Variants in GSG1L observed in about 807,000 individuals in gnomAD.
The protein encoded by GSG1L is germ cell-specific gene 1-like protein.
A neutral mutation model predicts 42.1 loss-of-function variants in GSG1L; 24 were observed. The observed-to-expected ratio is 0.57, with a 90% CI of 0.41 to 0.80. The LOEUF is 0.80. GSG1L is among the 30% of genes least tolerant of loss of function. The pLI, the probability that GSG1L is intolerant of heterozygous loss-of-function variation, is 0.00. For missense variants in GSG1L, 445 were observed against 472.2 expected, an observed-to-expected ratio of 0.94 and a Z score of 0.53; for synonymous variants, 215 against 203.5, an observed-to-expected ratio of 1.06 and a Z score of -0.48.
In GSG1L at chr16:27,804,007, A is replaced by G. The variant is rs532635358; in HGVS notation, c.898+3480T>C. On this transcript the variant is annotated intron_variant, in intron 6 of 6. Coordinates refer to ENST00000447459, the MANE Select transcript of GSG1L (RefSeq NM_001109763.2). ...TAGATGATTGACAGATGAATAATAG[A>G]TGGATGATGGATGAATAGATAGATT... Among the ~76,000 whole-genome samples the G allele has an allele frequency of 2.0e-5, 3 of 149,922 alleles. No individual in the cohort carries two copies. In the South Asian group the frequency reaches 6.3e-4, roughly 32 times the overall value.
intron 1 of GSG1L, among the ~76,000 whole-genome samples, chr16:28,028,330 T>C (rs1463608247): frequency 6.6e-6 from 1 of 152,100 alleles, no homozygotes; most frequent in Non-Finnish European, 1.5e-5. Context: ...ATTATTTTCA[T>C]CCCGATCTTG....
Position 27,907,010 on chromosome 16 carries a change from G to A in GSG1L, c.398-22372C>T, listed in dbSNP as rs565982616. ...ACCCCATTCTCAGCACTTGAGTATGGGGGACAGTCCAGCTGCTCCCAGCTA... is the reference window on the plus strand; with the variant it reads ...ACCCCATTCTCAGCACTTGAGTATGAGGGACAGTCCAGCTGCTCCCAGCTA... On this transcript the variant is annotated intron_variant, in intron 2 of 6. Transcript: ENST00000447459. Among the ~76,000 whole-genome samples the A allele has an allele frequency of 2.4e-4, 36 of 152,312 alleles. 1 individual carries two copies. Among genetic ancestry groups the A allele is most frequent in the African/African-American group, 8.4e-4 (35 of 41,574 alleles).
Position 28,032,651 on chromosome 16 carries a change from TAAAC to T in GSG1L, c.349+30421_349+30424del, listed in dbSNP as rs1010883263. Reference sequence around the variant, plus strand: ...TTAAGATCGCTTCCTTCCCACTAAATAAACAAACAAAAACCTCTTCCCACCTCAG... The same window carrying T: ...TTAAGATCGCTTCCTTCCCACTAAATAAACAAAAACCTCTTCCCACCTCAG... On this transcript the variant is annotated intron_variant, in intron 1 of 6. Transcript: ENST00000447459. Among the ~76,000 whole-genome samples the T allele has an allele frequency of 7.9e-5, 12 of 152,210 alleles. No homozygotes were observed. The South Asian group carries it at 1.9e-3, about 24-fold the overall frequency.
intron 3 of GSG1L, among the ~76,000 whole-genome samples, chr16:27,868,319 A>T (rs2083758212): frequency 6.6e-6 from 1 of 152,146 alleles, no homozygotes; most frequent in Non-Finnish European, 1.5e-5. Context: ...GAATCCTCAG[A>T]CCCTTCTGCA....
At chr16:28,017,862 A>G (rs1041545826) in intron 1 of GSG1L, among the ~76,000 whole-genome samples, 1 of 152,176 alleles carries the variant, frequency 6.6e-6, no homozygotes, top group Admixed American at 6.5e-5. Context: ...AATTAAGGAT[A>G]CTGGTTAACT....
chr16:27,954,280 A>T (rs2084982331), intron 2 of GSG1L, among the ~76,000 whole-genome samples: 1 of 152,234 alleles, frequency 6.6e-6, no homozygotes, highest in South Asian at 2.1e-4. Context: ...AAGAGATAAC[A>T]ATAGAAAAAA....
rs1567505928 is a variant in GSG1L, at chr16:27,888,495, CTT to C, written c.398-3859_398-3858del. On this transcript the variant is annotated intron_variant, in intron 2 of 6. Coordinates refer to ENST00000447459, the MANE Select transcript of GSG1L (RefSeq NM_001109763.2). ...CTCTCTCTCTTTCCTTTCTTTCTTT[CTT>C]TCTTTCTTTCTTTCTTTCTTTCTTT... Among the ~76,000 whole-genome samples, 36 of 5,934 alleles carry C rather than the reference CTT, an allele frequency of 6.1e-3. 1 individual carries two copies. Among genetic ancestry groups the C allele is most frequent in the Admixed American group, 0.012 (4 of 326 alleles). The allele number at this position is 5,934 out of a possible 152,430, so 3.9% of individuals were successfully genotyped here. A position where few individuals can be genotyped will look rare whatever the true frequency, so the allele number is the denominator to read the frequency against.
At chr16:27,967,584 T>TA (rs2085149622) in intron 1 of GSG1L, among the ~76,000 whole-genome samples, 2 of 152,176 alleles carry the variant, frequency 1.3e-5, no homozygotes, top group African/African-American at 4.8e-5. Flanking sequence ...TTTAGCCCAC[T>TA]GAAAGAGATG....
At chr16:27,835,784 C>A (rs1567477497) in intron 4 of GSG1L, among the ~76,000 whole-genome samples, 1 of 152,052 alleles carries the variant, frequency 6.6e-6, no homozygotes, top group Non-Finnish European at 1.5e-5. Flanking sequence ...CCCTTTGTGA[C>A]CCTTTACTTT....
chr16:27,939,818 T>C (rs1403133586), intron 2 of GSG1L, among the ~76,000 whole-genome samples: 1 of 152,166 alleles, frequency 6.6e-6, no homozygotes, highest in East Asian at 1.9e-4. Flanking sequence ...CATGCCACCA[T>C]GCCAGGCTAA....
chr16:27,835,226 T>G (rs868093838), intron 4 of GSG1L, among the ~76,000 whole-genome samples: 14 of 152,308 alleles, frequency 9.2e-5, no homozygotes, highest in Admixed American at 6.5e-5. Context: ...AATGTCTTCT[T>G]AGTGGATTGA....
chr16:27,804,037 GGATAGATA>G (rs557443110), intron 6 of GSG1L, among the ~76,000 whole-genome samples: 6,236 of 132,656 alleles, frequency 0.047, 163 homozygotes, highest in South Asian at 0.089. Context: ...TAGATTAGAT[GGATAGATA>G]GATAGATAGA....
At chr16:28,007,398 A>G (rs182376887) in intron 1 of GSG1L, among the ~76,000 whole-genome samples, 13 of 152,328 alleles carry the variant, frequency 8.5e-5, no homozygotes, top group African/African-American at 2.9e-4. Flanking sequence ...TGAAGCCCCC[A>G]GGAGTGCAGC....
intron 1 of GSG1L, among the ~76,000 whole-genome samples, chr16:28,016,987 G>A (rs975913358): frequency 6.6e-6 from 1 of 152,200 alleles, no homozygotes; most frequent in African/African-American, 2.4e-5. Flanking sequence ...TATACAAAAC[G>A]CAGAGGCAGA....
At chr16:27,972,286 T>C (rs1445309402) in intron 1 of GSG1L, among the ~76,000 whole-genome samples, 1 of 152,354 alleles carries the variant, frequency 6.6e-6, no homozygotes, top group East Asian at 1.9e-4. Context: ...CGCTGAGGTT[T>C]AAGGAAAAGT....
chr16:27,885,914 C>CCAT (rs2084021840), intron 2 of GSG1L, among the ~76,000 whole-genome samples: 2 of 152,186 alleles, frequency 1.3e-5, no homozygotes, highest in South Asian at 4.1e-4. Flanking sequence ...CCATCATTTG[C>CCAT]CATCTAGTTT....
intron 1 of GSG1L, among the ~76,000 whole-genome samples, chr16:28,011,463 G>T (rs2085717145): frequency 6.6e-6 from 1 of 152,236 alleles, no homozygotes; most frequent in African/African-American, 2.4e-5. Flanking sequence ...GGACCGTGAT[G>T]AACTGGAGCA....
chr16:27,935,170 C>CA (rs772874559), intron 2 of GSG1L, among the ~76,000 whole-genome samples: 31 of 152,268 alleles, frequency 2.0e-4, no homozygotes, highest in Non-Finnish European at 3.7e-4. Context: ...GGAGCAGCGT[C>CA]AAAAACAGTG....
chr16:27,829,605 G>T (rs1008723129), intron 4 of GSG1L, among the ~76,000 whole-genome samples: 1 of 152,170 alleles, frequency 6.6e-6, no homozygotes, highest in Non-Finnish European at 1.5e-5. Context: ...GAAGTGCAAT[G>T]GTGCGATCAT....
Sources: gnomAD v4.1 joint callset for allele counts (sites outside exome capture counted in the v4.1 genomes callset) on GRCh38, gnomAD v4.1.1 for gene constraint, MANE v1.5 for transcripts, NCBI Gene and HGNC (gene_info 2026-07-23, HGNC 2026-07-21) for gene names.